AGTPBP1: variants seen among roughly 807,000 people sequenced by gnomAD.
AGTPBP1 encodes cytosolic carboxypeptidase 1.
A neutral mutation model predicts 143.9 loss-of-function variants in AGTPBP1; 70 were observed. That is an observed-to-expected ratio of 0.49 (90% CI 0.40 to 0.59). The LOEUF (loss-of-function observed/expected upper bound fraction) is 0.59. AGTPBP1 is among the 20% of genes least tolerant of loss of function. The pLI is 0.00. For missense variants in AGTPBP1, 1,229 were observed against 1,464.5 expected (o/e 0.84, Z 2.62); for synonymous variants, 463 against 500.2 (o/e 0.93, Z 0.99).
chr9:85,585,612 T>A lies in AGTPBP1; in HGVS notation c.3034-18A>T, dbSNP rs1828554144. 2 of 1,553,658 alleles carry A rather than the reference T, an allele frequency of 1.3e-6. No homozygotes were observed. The highest frequency in any genetic ancestry group is 1.7e-6 in the Non-Finnish European group (2 of 1,153,474). ...CAATAAACCTTGAAAATATATATTTTAAAAATTAAAAGACTTCAAGTTCAT... is the reference window on the plus strand; with the variant it reads ...CAATAAACCTTGAAAATATATATTTAAAAAATTAAAAGACTTCAAGTTCAT... On this transcript the variant is annotated intron_variant, in intron 22 of 25. Coordinates refer to ENST00000357081, the MANE Select transcript of AGTPBP1 (RefSeq NM_001330701.2).
chr9:85,701,716 C>T (rs1836674738), intron 2 of AGTPBP1, among the ~76,000 whole-genome samples: 1 of 152,152 alleles, frequency 6.6e-6, no homozygotes, highest in Non-Finnish European at 1.5e-5. Context: ...TCTCCAAGCC[C>T]CCATAACCAC....
rs1829926278 is a variant in AGTPBP1 at position 85,605,326 on chromosome 9, T to A, written c.2336-8877A>T. On this transcript the variant is annotated intron_variant, in intron 17 of 25. Transcript: ENST00000357081. ...AGAAACCTTACAGGTCAGGAGAAAGTGGCATGCCATATTTAAAGCACTGAA... is the reference window on the plus strand; with the variant it reads ...AGAAACCTTACAGGTCAGGAGAAAGAGGCATGCCATATTTAAAGCACTGAA... Among the ~76,000 whole-genome samples, 5 of 152,210 alleles carry A rather than the reference T, an allele frequency of 3.3e-5. No individual in the cohort carries two copies. The South Asian group carries it at 1.0e-3, about 32-fold the overall frequency.
At chr9:85,737,691 G>A (rs1208848385) in intron 1 of AGTPBP1, among the ~76,000 whole-genome samples, 1 of 152,206 alleles carries the variant, frequency 6.6e-6, no homozygotes, top group Non-Finnish European at 1.5e-5. Flanking sequence ...TCAGGAATGA[G>A]TATAAGACCC....
At chr9:85,798,516 G>C in the AGTPBP1 span, among the ~76,000 whole-genome samples, 1 of 151,676 alleles carries the variant, frequency 6.6e-6, no homozygotes, top group East Asian at 2.0e-4. Flanking sequence ...ACAGGTGTGT[G>C]CCACCACGCG....
chr9:85,619,985 G>T (rs1189865536), intron 15 of AGTPBP1, among the ~76,000 whole-genome samples: 1 of 151,962 alleles, frequency 6.6e-6, no homozygotes, highest in Non-Finnish European at 1.5e-5. Flanking sequence ...ATCTGACAAA[G>T]AATTATCAAT....
chr9:85,741,181 C>T, intron 1 of AGTPBP1: 2 of 979,594 alleles, frequency 2.0e-6, no homozygotes, highest in Non-Finnish European at 2.4e-6. Flanking sequence ...ACGCTCAAGG[C>T]GACAAGTTGT....
At chr9:85,776,217 T>C in the AGTPBP1 span, among the ~76,000 whole-genome samples, 1 of 152,158 alleles carries the variant, frequency 6.6e-6, no homozygotes, top group East Asian at 1.9e-4. Flanking sequence ...AAAAAGGAAA[T>C]AAAATGAAGA....
chr9:85,598,183 C>G (rs1829421110), intron 17 of AGTPBP1, among the ~76,000 whole-genome samples: 1 of 151,826 alleles, frequency 6.6e-6, no homozygotes, highest in African/African-American at 2.4e-5. Context: ...TCTCTCTCTC[C>G]CCTGATGTCC....
intron 1 of AGTPBP1, among the ~76,000 whole-genome samples, chr9:85,739,191 A>G (rs1390472051): frequency 6.6e-6 from 1 of 152,242 alleles, no homozygotes; most frequent in Non-Finnish European, 1.5e-5. Context: ...ACACAGGCAC[A>G]GTAATCAACA....
chr9:85,559,123 C>T (rs1415724312), intron 25 of AGTPBP1, among the ~76,000 whole-genome samples: 1 of 152,128 alleles, frequency 6.6e-6, no homozygotes, highest in Non-Finnish European at 1.5e-5. Context: ...TTGCTAAGCA[C>T]AAAAATACTA....
the AGTPBP1 span, among the ~76,000 whole-genome samples, chr9:85,796,760 T>C: frequency 6.6e-6 from 1 of 152,194 alleles, no homozygotes; most frequent in African/African-American, 2.4e-5. Context: ...CATAAATATA[T>C]ACATCTACTG....
At chr9:85,585,665 C>A (rs1587684778) in intron 22 of AGTPBP1, 71 bp from the exon 23 acceptor site, 1 of 1,277,182 alleles carries the variant, frequency 7.8e-7, no homozygotes, top group Non-Finnish European at 1.0e-6. Flanking sequence ...TAGTTAATAT[C>A]AAGCCAATAA....
At chr9:85,672,225 T>C (rs901188661) in intron 7 of AGTPBP1, among the ~76,000 whole-genome samples, 5 of 152,046 alleles carry the variant, frequency 3.3e-5, no homozygotes, top group African/African-American at 9.7e-5. Flanking sequence ...CCCACCACCA[T>C]GCCCAGCTAA....
chr9:85,639,365 G>GCGCACACACACACACACACA (rs1554713148), intron 13 of AGTPBP1, among the ~76,000 whole-genome samples: 2 of 105,586 alleles, frequency 1.9e-5, no homozygotes, highest in Admixed American at 9.5e-5. Flanking sequence ...GCGCGCGCAC[G>GCGCACACACACACACACACA]CGCACACACA....
At chr9:85,572,010 T>G (rs1051270121) in intron 25 of AGTPBP1, among the ~76,000 whole-genome samples, 14 of 15,442 alleles carry the variant, frequency 9.1e-4, no homozygotes, top group African/African-American at 9.0e-3. Context: ...GTGTGTTTTT[T>G]TTTTTTTTTT....
chr9:85,758,371 G>A, the AGTPBP1 span, among the ~76,000 whole-genome samples: 4,328 of 152,166 alleles, frequency 0.028, 211 homozygotes, highest in African/African-American at 0.099. Context: ...TAGGCAGGGC[G>A]CGGTGGCTCA....
chr9:85,609,660 A>G (rs561940115), intron 17 of AGTPBP1, among the ~76,000 whole-genome samples: 4 of 152,204 alleles, frequency 2.6e-5, no homozygotes, highest in Non-Finnish European at 5.9e-5. Flanking sequence ...ATTCAGGGGT[A>G]GAGAAAAGCA....
At chr9:85,726,193 G>A (rs1838476146) in intron 1 of AGTPBP1, among the ~76,000 whole-genome samples, 1 of 146,208 alleles carries the variant, frequency 6.8e-6, no homozygotes, top group African/African-American at 2.5e-5. Flanking sequence ...TCACACCACT[G>A]CACTCCAGCC....
chr9:85,671,235 T>C (rs1388830758), intron 7 of AGTPBP1, among the ~76,000 whole-genome samples: 1 of 152,142 alleles, frequency 6.6e-6, no homozygotes, highest in East Asian at 1.9e-4. Context: ...CATGTGCGAC[T>C]GTACCAGTGT....
Sources: allele counts gnomAD v4.1 joint callset (sites outside exome capture counted in the v4.1 genomes callset), GRCh38; gene constraint gnomAD v4.1.1; transcripts MANE v1.5; gene names NCBI Gene and HGNC (gene_info 2026-07-23, HGNC 2026-07-21).